MEMO1: variants seen among roughly 807,000 people sequenced by gnomAD.
MEMO1 encodes mediator of cell motility 1, also known as protein MEMO1.
MEMO1 carries 6 observed loss-of-function variants against 45.2 expected under a neutral mutation model. The ratio of observed to expected loss-of-function variants is 0.13; its 90% CI spans 0.07 to 0.26. The LOEUF is 0.26. Among genes scored for constraint, MEMO1 ranks in the 10% least tolerant of loss-of-function variants. The probability of loss-of-function intolerance (pLI) is 1.00; values close to 1 mark genes in which losing one functional copy is unlikely to be tolerated. For synonymous variants in MEMO1, 78 were observed against 124.3 expected, an observed-to-expected ratio of 0.63 and a Z score of 2.48; for missense variants, 184 against 370.5, an observed-to-expected ratio of 0.50 and a Z score of 4.13.
chr2:31,935,571 T>C (rs1170888690), intron 3 of MEMO1, among the ~76,000 whole-genome samples: 1 of 152,070 alleles, frequency 6.6e-6, no homozygotes, highest in Non-Finnish European at 1.5e-5. Context: ...AATCTGTCAG[T>C]GCACTGTGCC....
intron 2 of MEMO1, among the ~76,000 whole-genome samples, chr2:31,969,572 GGGGTGTGTGTGTGGGTGT>G (rs1434880409): frequency 0.013 from 1,407 of 108,580 alleles, 21 homozygotes; most frequent in South Asian, 0.055. Flanking sequence ...ATCTTTTCTG[GGGGTGTGTGTGTGGGTGT>G]GTGTGTGTGT....
intron 7 of MEMO1, among the ~76,000 whole-genome samples, chr2:31,885,155 T>A (rs1247288475): frequency 6.6e-6 from 1 of 152,214 alleles, no homozygotes; most frequent in Non-Finnish European, 1.5e-5. Context: ...AGTCTCACCC[T>A]GTTGCCCAGG....
intron 3 of MEMO1, among the ~76,000 whole-genome samples, chr2:31,939,355 C>T (rs1300883458): frequency 6.6e-6 from 1 of 152,132 alleles, no homozygotes; most frequent in South Asian, 2.1e-4. Flanking sequence ...AAAGCCAAAA[C>T]TATTTTCAAA....
intron 6 of MEMO1, among the ~76,000 whole-genome samples, chr2:31,902,015 G>T (rs1021162061): frequency 3.3e-5 from 5 of 152,102 alleles, no homozygotes; most frequent in East Asian, 1.9e-4. Flanking sequence ...GCAGATGCTT[G>T]TAAGTCCCAG....
At chr2:31,894,435 G>A (rs1218915104) in intron 6 of MEMO1, among the ~76,000 whole-genome samples, 6 of 152,304 alleles carry the variant, frequency 3.9e-5, no homozygotes, top group Non-Finnish European at 8.8e-5. Flanking sequence ...GCTGTTGTTG[G>A]GGTGAGCCAG....
rs371422211 is a variant in MEMO1, at chr2:31,906,309, G to T, written c.437+11617C>A. ...TTTTGTTTTTGTTTTTGTTTTTTTT[G>T]TTTGTTTGTTTGTTTTTGTTTTTGT... On this transcript the variant is annotated intron_variant, in intron 6 of 9. Transcript: ENST00000404530. Among the ~76,000 whole-genome samples the T allele has an allele frequency of 5.1e-3, 753 of 147,578 alleles. 5 individuals carry two copies. Among genetic ancestry groups the T allele is most frequent in the African/African-American group, 0.017 (689 of 39,832 alleles).
At chr2:31,952,830 C>G (rs1356233471) in intron 2 of MEMO1, among the ~76,000 whole-genome samples, 1 of 152,082 alleles carries the variant, frequency 6.6e-6, no homozygotes, top group Non-Finnish European at 1.5e-5. Context: ...TCCAAATTTC[C>G]TTCTAGTCTT....
intron 2 of MEMO1, among the ~76,000 whole-genome samples, chr2:31,994,450 T>C (rs776309458): frequency 2.7e-5 from 4 of 149,824 alleles, no homozygotes; most frequent in Non-Finnish European, 5.9e-5. Context: ...GCCAACATGG[T>C]GAAACCCCAT....
intron 3 of MEMO1, among the ~76,000 whole-genome samples, chr2:31,939,723 C>T (rs905561496): frequency 1.3e-5 from 2 of 152,140 alleles, no homozygotes; most frequent in Admixed American, 1.3e-4. Context: ...CTTATCCCTG[C>T]ATCAATTTTT....
intron 6 of MEMO1, among the ~76,000 whole-genome samples, chr2:31,904,952 G>C (rs893635028): frequency 6.6e-6 from 1 of 152,194 alleles, no homozygotes; most frequent in Admixed American, 6.5e-5. Context: ...CCAGAAAACA[G>C]GCTGGGCGCA....
chr2:31,962,971 G>A (rs1668198347), intron 2 of MEMO1, among the ~76,000 whole-genome samples: 1 of 152,182 alleles, frequency 6.6e-6, no homozygotes, highest in Non-Finnish European at 1.5e-5. Flanking sequence ...AAACAAAAAG[G>A]TTGACCCTCC....
chr2:32,008,705 T>C lies in MEMO1; in HGVS notation c.61+1482A>G, dbSNP rs574014058. Among the ~76,000 whole-genome samples the C allele has an allele frequency of 2.6e-5, 4 of 152,344 alleles. No homozygotes were observed. The East Asian group carries it at 7.7e-4, about 29-fold the overall frequency. ...TTATGAAGTACTTTAGGACCATGAATGGAAGCCACTTTAACCATAAAATGT... is the reference window on the plus strand; with the variant it reads ...TTATGAAGTACTTTAGGACCATGAACGGAAGCCACTTTAACCATAAAATGT... On this transcript the variant is annotated intron_variant, in intron 2 of 9. Transcript: ENST00000404530.
chr2:31,897,233 C>T (rs115248392), intron 6 of MEMO1, among the ~76,000 whole-genome samples: 2,898 of 152,008 alleles, frequency 0.019, 51 homozygotes, highest in Middle Eastern at 0.048. Context: ...TGCCTTATTG[C>T]ACTGGACAGA....
chr2:31,963,519 C>A (rs1033000221), intron 2 of MEMO1, among the ~76,000 whole-genome samples: 3 of 152,172 alleles, frequency 2.0e-5, no homozygotes, highest in Non-Finnish European at 4.4e-5. Context: ...AAAGGTCAAG[C>A]ATTATTTATC....
rs558131439 is a variant in MEMO1 at position 31,902,497 on chromosome 2, C to T, written c.438-10363G>A. ...GTTGCAGAAGAAAAAAAAGAAAATCCATCCCTGCCACTCACAAGCTGCTAC... is the reference window on the plus strand; with the variant it reads ...GTTGCAGAAGAAAAAAAAGAAAATCTATCCCTGCCACTCACAAGCTGCTAC... On this transcript the variant is annotated intron_variant, in intron 6 of 9. Coordinates refer to ENST00000404530, the MANE Select transcript of MEMO1 (RefSeq NM_001301833.4). Among the ~76,000 whole-genome samples the T allele has an allele frequency of 5.3e-5, 8 of 151,988 alleles. No individual in the cohort carries two copies. The South Asian group carries it at 1.5e-3, about 28-fold the overall frequency.
intron 4 of MEMO1, among the ~76,000 whole-genome samples, chr2:31,921,988 A>G (rs1398988471): frequency 6.6e-6 from 1 of 152,192 alleles, no homozygotes; most frequent in Non-Finnish European, 1.5e-5. Flanking sequence ...CTGCCCTACA[A>G]TCTGAATTCC....
intron 2 of MEMO1, among the ~76,000 whole-genome samples, chr2:32,009,190 G>A (rs1674483372): frequency 1.3e-5 from 2 of 152,224 alleles, no homozygotes; most frequent in Non-Finnish European, 2.9e-5. Context: ...AGTGGAGACA[G>A]AAAACTCAAC....
intron 6 of MEMO1, among the ~76,000 whole-genome samples, chr2:31,913,467 C>A (rs1007603458): frequency 1.4e-5 from 2 of 142,772 alleles, no homozygotes; most frequent in Admixed American, 7.0e-5. Flanking sequence ...GAGTTCATGA[C>A]AAGAAAAGCA....
chr2:31,993,070 G>A (rs1672142641), intron 2 of MEMO1, among the ~76,000 whole-genome samples: 1 of 152,098 alleles, frequency 6.6e-6, no homozygotes, highest in Non-Finnish European at 1.5e-5. Flanking sequence ...CTATTCAGGA[G>A]GCAGATGCAC....
Sources: allele counts gnomAD v4.1 joint callset (sites outside exome capture counted in the v4.1 genomes callset), GRCh38; gene constraint gnomAD v4.1.1; transcripts MANE v1.5; gene names NCBI Gene and HGNC (gene_info 2026-07-23, HGNC 2026-07-21).